Variants in REDIC1 observed in about 807,000 individuals in gnomAD.
REDIC1 encodes the protein regulator of DNA class I crossover intermediates 1, also known as HEI10 Interacting Protein 1.
the REDIC1 span, among the ~76,000 whole-genome samples, chr12:39,703,598 C>T: frequency 1.3e-5 from 2 of 152,054 alleles, no homozygotes; most frequent in Admixed American, 6.6e-5. Flanking sequence ...TCATATGCAA[C>T]CAAAAAAGAT....
the REDIC1 span, among the ~76,000 whole-genome samples, chr12:39,715,202 G>C: frequency 6.6e-6 from 1 of 151,862 alleles, no homozygotes; most frequent in Admixed American, 6.6e-5. Context: ...TCAAGTCTTA[G>C]GTTTAAGTCC....
At chr12:39,757,451 A>T in the REDIC1 span, 1 of 151,706 alleles carries the variant, frequency 6.6e-6, no homozygotes, top group Non-Finnish European at 1.5e-5. Context: ...AAACCTGCAA[A>T]ATTTAAACAT....
chr12:39,871,841 A>C, the REDIC1 span: 1 of 1,612,764 alleles, frequency 6.2e-7, no homozygotes. Context: ...CCACCTTCTC[A>C]ACAAGCCAGA....
the REDIC1 span, among the ~76,000 whole-genome samples, chr12:39,813,884 C>A: frequency 6.6e-6 from 1 of 152,194 alleles, no homozygotes; most frequent in Non-Finnish European, 1.5e-5. Context: ...CCATTTTACG[C>A]TGAAGAATGT....
At chr12:39,840,538 C>G in the REDIC1 span, among the ~76,000 whole-genome samples, 1 of 152,010 alleles carries the variant, frequency 6.6e-6, no homozygotes, top group Non-Finnish European at 1.5e-5. Context: ...AAAGAGACTG[C>G]AGGATTTAGA....
the REDIC1 span, among the ~76,000 whole-genome samples, chr12:39,907,261 C>T: frequency 1.4e-4 from 22 of 151,994 alleles, no homozygotes; most frequent in Non-Finnish European, 2.6e-4. Context: ...CATGATAATC[C>T]ACCCACATGC....
the REDIC1 span, among the ~76,000 whole-genome samples, chr12:39,859,236 G>A: frequency 1.4e-5 from 2 of 147,018 alleles, no homozygotes; most frequent in South Asian, 2.1e-4. Context: ...ATATTCTTAT[G>A]CTTGGTTTAA....
the REDIC1 span, among the ~76,000 whole-genome samples, chr12:39,849,110 A>G: frequency 6.6e-6 from 1 of 152,154 alleles, no homozygotes; most frequent in African/African-American, 2.4e-5. Flanking sequence ...AATATGTACA[A>G]CAAGCCCCTG....
the REDIC1 span, among the ~76,000 whole-genome samples, chr12:39,791,064 G>T: frequency 7.1e-6 from 1 of 140,746 alleles, no homozygotes; most frequent in East Asian, 2.2e-4. Flanking sequence ...TTTTGATGGG[G>T]TTGTTTGTTT....
the REDIC1 span, among the ~76,000 whole-genome samples, chr12:39,906,245 A>G: frequency 6.6e-6 from 1 of 152,108 alleles, no homozygotes; most frequent in African/African-American, 2.4e-5. Flanking sequence ...TTAGGAAAGA[A>G]ATTGAGGCTA....
chr12:39,852,473 G>A, the REDIC1 span, among the ~76,000 whole-genome samples: 1 of 152,188 alleles, frequency 6.6e-6, no homozygotes, highest in Non-Finnish European at 1.5e-5. Flanking sequence ...AGAGAATAAA[G>A]AGGACTTGTT....
At chr12:39,854,215 C>T in the REDIC1 span, among the ~76,000 whole-genome samples, 1 of 151,894 alleles carries the variant, frequency 6.6e-6, no homozygotes, top group Non-Finnish European at 1.5e-5. Flanking sequence ...TCCGTCTGAT[C>T]CTTAGTTTTC....
the REDIC1 span, among the ~76,000 whole-genome samples, chr12:39,713,166 T>C: frequency 6.7e-5 from 10 of 150,302 alleles, no homozygotes; most frequent in Admixed American, 2.7e-4. Flanking sequence ...TACACACGTG[T>C]ATATATGTGC....
At chr12:39,864,836 T>C in the REDIC1 span, 1 of 1,613,966 alleles carries the variant, frequency 6.2e-7, no homozygotes, top group Non-Finnish European at 8.5e-7. Context: ...AAACTTGGGC[T>C]GATAGCACAA....
At chr12:39,682,795 C>G in the REDIC1 span, 1 of 1,612,788 alleles carries the variant, frequency 6.2e-7, no homozygotes, top group Non-Finnish European at 8.5e-7. Flanking sequence ...TACTCCTAAC[C>G]TTCTATCAGA....
chr12:39,894,622 T>C, the REDIC1 span, among the ~76,000 whole-genome samples: 1 of 152,070 alleles, frequency 6.6e-6, no homozygotes, highest in Non-Finnish European at 1.5e-5. Flanking sequence ...CAAGGGAAAA[T>C]AAAATTAAAC....
chr12:39,692,518 T>C, the REDIC1 span, among the ~76,000 whole-genome samples: 1 of 129,972 alleles, frequency 7.7e-6, no homozygotes, highest in Non-Finnish European at 1.6e-5. Context: ...TCCAACTCTA[T>C]ATATTTTTCT....
the REDIC1 span, chr12:39,721,510 A>C: frequency 2.9e-6 from 1 of 349,884 alleles, no homozygotes; most frequent in Non-Finnish European, 5.2e-6. Context: ...TTGTAAATGT[A>C]CTAGCGTTTT....
At chr12:39,895,233 G>A in the REDIC1 span, among the ~76,000 whole-genome samples, 6 of 151,810 alleles carry the variant, frequency 4.0e-5, no homozygotes, top group Non-Finnish European at 7.4e-5. Context: ...TAACTAAACT[G>A]AATAAGTCAT....
Sources: allele counts gnomAD v4.1 joint callset (sites outside exome capture counted in the v4.1 genomes callset), GRCh38; gene constraint gnomAD v4.1.1; transcripts MANE v1.5; gene names NCBI Gene and HGNC (gene_info 2026-07-23, HGNC 2026-07-21).